Variants in ELOVL6 observed in about 807,000 individuals in gnomAD.
The protein encoded by ELOVL6 is very long chain fatty acid elongase 6.
Under a neutral mutation model 31.7 loss-of-function variants are expected in ELOVL6, and 8 were observed. The ratio of observed to expected loss-of-function variants is 0.25; its 90% CI spans 0.15 to 0.45. The LOEUF (loss-of-function observed/expected upper bound fraction) is 0.45. Ranked by LOEUF, ELOVL6 falls within the 20% of genes least tolerant of loss-of-function variation. The pLI is 1.00. For synonymous variants in ELOVL6, 101 were observed against 117.7 expected (o/e 0.86, Z 0.92); for missense variants, 126 against 326.4 (o/e 0.39, Z 4.73).
intron 1 of ELOVL6, among the ~76,000 whole-genome samples, chr4:110,178,123 G>A (rs934694698): frequency 1.3e-5 from 2 of 152,076 alleles, no homozygotes; most frequent in African/African-American, 4.8e-5. Flanking sequence ...TTACATTAAA[G>A]AAACAAATTC....
chr4:110,075,281 A>G (rs1355837902), intron 2 of ELOVL6, among the ~76,000 whole-genome samples: 1 of 152,228 alleles, frequency 6.6e-6, no homozygotes, highest in East Asian at 1.9e-4. Context: ...ATTCAAAAGA[A>G]TTAGAAAAAG....
In ELOVL6 at chr4:110,085,291, G is replaced by A. The variant is rs114316897; in HGVS notation, c.221+20206C>T. On this transcript the variant is annotated intron_variant, in intron 2 of 3. Transcript: ENST00000302274. ...TTGCCTCTCATGGCTCTGCATGGAT[G>A]GCATGAGGCCAAACAGGAAGCCAAC... Among the ~76,000 whole-genome samples, 517 of 152,310 alleles carry A rather than the reference G, an allele frequency of 3.4e-3. 2 individuals carry two copies. Among genetic ancestry groups the A allele is most frequent in the African/African-American group, 0.012 (493 of 41,582 alleles).
chr4:110,161,290 A>G (rs1758624343), intron 1 of ELOVL6, among the ~76,000 whole-genome samples: 2 of 152,206 alleles, frequency 1.3e-5, no homozygotes, highest in Admixed American at 6.6e-5. Context: ...ACAAAATGCT[A>G]TGTATTATAT....
chr4:110,128,452 G>T (rs544040634), intron 1 of ELOVL6, among the ~76,000 whole-genome samples: 1 of 152,304 alleles, frequency 6.6e-6, no homozygotes, highest in Admixed American at 6.5e-5. Context: ...ACTCACTGAT[G>T]AAATGAAAGC....
chr4:110,076,201 T>C (rs1159983879), intron 2 of ELOVL6, among the ~76,000 whole-genome samples: 1 of 152,228 alleles, frequency 6.6e-6, no homozygotes, highest in Non-Finnish European at 1.5e-5. Flanking sequence ...TGAATCTTTT[T>C]ATAGGTAAAA....
intron 1 of ELOVL6, chr4:110,117,903 A>AAAAAAAAAAAAATAT: frequency 3.1e-4 from 2 of 6,506 alleles, no homozygotes; most frequent in Non-Finnish European, 3.7e-4. Context: ...AAAAAAAAAA[A>AAAAAAAAAAAAATAT]ATATATATAT....
At chr4:110,121,021 G>A (rs1057110139) in intron 1 of ELOVL6, among the ~76,000 whole-genome samples, 5 of 151,784 alleles carry the variant, frequency 3.3e-5, no homozygotes, top group Non-Finnish European at 7.4e-5. Context: ...GGCTGGTCTC[G>A]AACTCCTGAC....
chr4:110,178,701 A>G (rs952100764), intron 1 of ELOVL6, among the ~76,000 whole-genome samples: 1 of 152,068 alleles, frequency 6.6e-6, no homozygotes, highest in African/African-American at 2.4e-5. Context: ...AAATAATCAA[A>G]AAATTAGTCA....
chr4:110,047,247 G>A lies in ELOVL6; in HGVS notation c.*4091C>T, dbSNP rs893727885. The A allele has an allele frequency of 2.6e-5, 4 of 151,634 alleles. No individual in the cohort carries two copies. The highest frequency in any genetic ancestry group is 4.9e-5 in the African/African-American group (2 of 41,228). 9.4% of individuals were successfully genotyped at this position (151,634 alleles called of 1,614,324 possible). A position where few individuals can be genotyped will look rare whatever the true frequency, so the allele number is the denominator to read the frequency against. On this transcript the variant is annotated 3_prime_UTR_variant, in exon 4 of 4. Transcript: ENST00000302274. Reference sequence around the variant, plus strand: ...AACTTAAAGCTCTGAACTCTGAGAGGCAAAGTCTATTTGTTCTCTACTCTC... The same window carrying A: ...AACTTAAAGCTCTGAACTCTGAGAGACAAAGTCTATTTGTTCTCTACTCTC...
At chr4:110,067,577 C>A (rs1460122802) in intron 2 of ELOVL6, among the ~76,000 whole-genome samples, 1 of 152,036 alleles carries the variant, frequency 6.6e-6, no homozygotes, top group East Asian at 1.9e-4. Flanking sequence ...AGGAGAAGTG[C>A]CAAGAAATGT....
At chr4:110,068,885 G>A (rs1755381418) in intron 2 of ELOVL6, among the ~76,000 whole-genome samples, 1 of 152,170 alleles carries the variant, frequency 6.6e-6, no homozygotes, top group African/African-American at 2.4e-5. Flanking sequence ...GCTCACGCCT[G>A]TAATCCCAAC....
chr4:110,103,598 A>G (rs915053416), intron 2 of ELOVL6, among the ~76,000 whole-genome samples: 8 of 152,232 alleles, frequency 5.3e-5, no homozygotes, highest in African/African-American at 1.7e-4. Context: ...TTCAAATATT[A>G]CACCTGAATG....
At chr4:110,135,694 C>A (rs1757791444) in intron 1 of ELOVL6, among the ~76,000 whole-genome samples, 1 of 152,324 alleles carries the variant, frequency 6.6e-6, no homozygotes, top group African/African-American at 2.4e-5. Context: ...CTTGTAGTAA[C>A]TGACCACAAT....
chr4:110,133,958 C>CT (rs1233140317), intron 1 of ELOVL6, among the ~76,000 whole-genome samples: 42 of 152,306 alleles, frequency 2.8e-4, no homozygotes, highest in African/African-American at 9.6e-4. Context: ...ATCCATAACG[C>CT]TTTAACGCAG....
intron 1 of ELOVL6, among the ~76,000 whole-genome samples, chr4:110,159,032 T>C (rs1276569374): frequency 1.3e-5 from 2 of 152,132 alleles, no homozygotes; most frequent in East Asian, 1.9e-4. Context: ...TTACTTTGCA[T>C]AGTTGCTTTG....
chr4:110,187,123 G>A (rs1759473011), intron 1 of ELOVL6, among the ~76,000 whole-genome samples: 1 of 151,676 alleles, frequency 6.6e-6, no homozygotes, highest in Non-Finnish European at 1.5e-5. Flanking sequence ...AAAAATGTGT[G>A]AGGCAGTGCA....
intron 1 of ELOVL6, among the ~76,000 whole-genome samples, chr4:110,149,542 A>G (rs1174831605): frequency 6.6e-6 from 1 of 152,216 alleles, no homozygotes; most frequent in Non-Finnish European, 1.5e-5. Context: ...CAAATACCAC[A>G]TGTTCTCACA....
intron 2 of ELOVL6, among the ~76,000 whole-genome samples, chr4:110,065,683 C>G (rs890404493): frequency 2.0e-5 from 3 of 152,144 alleles, no homozygotes; most frequent in Non-Finnish European, 4.4e-5. Context: ...GACGTCTGAC[C>G]ATTTACCTAC....
chr4:110,113,082 G>A (rs1389738786), intron 1 of ELOVL6, among the ~76,000 whole-genome samples: 1 of 151,748 alleles, frequency 6.6e-6, no homozygotes, highest in African/African-American at 2.4e-5. Context: ...AAAAAAATTA[G>A]CCAGGCGTGG....
Sources: allele counts gnomAD v4.1 joint callset (sites outside exome capture counted in the v4.1 genomes callset), GRCh38; gene constraint gnomAD v4.1.1; transcripts MANE v1.5; gene names NCBI Gene and HGNC (gene_info 2026-07-23, HGNC 2026-07-21).